BRAF: variants seen among roughly 807,000 people sequenced by gnomAD.
The protein encoded by BRAF is B-Raf proto-oncogene, serine/threonine kinase.
BRAF carries 16 observed loss-of-function variants against 104.6 expected under a neutral mutation model. The ratio of observed to expected loss-of-function variants is 0.15; its 90% confidence interval spans 0.10 to 0.23. The LOEUF (loss-of-function observed/expected upper bound fraction) is 0.23, where lower values mean the gene tolerates loss of function less well. BRAF is among the 10% of genes least tolerant of loss of function. The pLI, the probability that BRAF is intolerant of heterozygous loss-of-function variation, is 1.00. For missense variants in BRAF, 541 were observed against 937.3 expected (o/e 0.58, Z 5.52); for synonymous variants, 310 against 341.6 (o/e 0.91, Z 1.02).
rs144209593 is a variant in BRAF, at chr7:140,773,981, T to C, written c.1814+2931A>G. ...GGAGTTCCAGGAAGGAGCAAAAATC[T>C]GTCACCTTAATCTGAAACTCATAGC... On this transcript the variant is annotated intron_variant, in intron 14 of 19. Transcript: ENST00000644969. Among the ~76,000 whole-genome samples the C allele has an allele frequency of 3.6e-3, 555 of 152,340 alleles. 6 individuals are homozygous for C. Among genetic ancestry groups the C allele is most frequent in the African/African-American group, 0.013 (525 of 41,578 alleles).
intron 14 of BRAF, among the ~76,000 whole-genome samples, chr7:140,757,355 T>G (rs1439832186): frequency 6.6e-6 from 1 of 152,082 alleles, no homozygotes; most frequent in Non-Finnish European, 1.5e-5. Context: ...GGTGGTGCGA[T>G]ATCGGCTCAC....
At chr7:140,769,088 T>C (rs1185419989) in intron 14 of BRAF, among the ~76,000 whole-genome samples, 1 of 152,110 alleles carries the variant, frequency 6.6e-6, no homozygotes, top group African/African-American at 2.4e-5. Context: ...CAGTCTTTTT[T>C]TTTTTTGAGA....
intron 14 of BRAF, among the ~76,000 whole-genome samples, chr7:140,765,631 T>C (rs1799237875): frequency 6.6e-6 from 1 of 151,942 alleles, no homozygotes; most frequent in African/African-American, 2.4e-5. Context: ...TATCAAAAAG[T>C]GGGCAAAGGA....
intron 1 of BRAF, chr7:140,884,003 A>G (rs1586535566): frequency 6.6e-6 from 1 of 152,304 alleles, no homozygotes; most frequent in East Asian, 1.9e-4. Flanking sequence ...ATTTCCAACA[A>G]AGGTTTCAAC....
chr7:140,800,226 G>C (rs1320383867), intron 7 of BRAF, 136 bp downstream of exon 7: 1 of 1,317,290 alleles, frequency 7.6e-7, no homozygotes, highest in Non-Finnish European at 1.1e-6. Context: ...AAATATCTGA[G>C]TGGTATGATA....
intron 1 of BRAF, among the ~76,000 whole-genome samples, chr7:140,911,167 G>T (rs538110732): frequency 6.6e-6 from 1 of 152,156 alleles, no homozygotes; most frequent in African/African-American, 2.4e-5. Context: ...GTTAAGCAAC[G>T]AGAGAATAAG....
chr7:140,920,581 C>A (rs1818108755), intron 1 of BRAF, among the ~76,000 whole-genome samples: 1 of 152,364 alleles, frequency 6.6e-6, no homozygotes, highest in South Asian at 2.1e-4. Flanking sequence ...TATCCAAATA[C>A]ATGTACAATT....
In BRAF at chr7:140,794,412, A is replaced by C; in HGVS notation, c.1036T>G (p.Phe346Val). 1 of 1,614,080 alleles carries C rather than the reference A, an allele frequency of 6.2e-7. No homozygotes were observed. The highest frequency in any genetic ancestry group is 8.5e-7 in the Non-Finnish European group (1 of 1,180,004). ...CGATGATCTTCATCTGCTGGTCGGAAGGGCTGTGGAATTGGAATGGATTTT... is the reference window on the plus strand; with the variant it reads ...CGATGATCTTCATCTGCTGGTCGGACGGGCTGTGGAATTGGAATGGATTTT... ...PSKSIPIPQP[F>V]RPADEDHRNQ... is the part of the protein sequence containing the mutation. The change falls in exon 8 of 20, where the codon TTC becomes GTC. Residue 346 changes from phenylalanine to valine, a missense_variant. Coordinates refer to ENST00000644969, the MANE Select transcript of BRAF (RefSeq NM_001374258.1).
At chr7:140,860,453 A>C (rs1810284199) in intron 1 of BRAF, among the ~76,000 whole-genome samples, 1 of 145,898 alleles carries the variant, frequency 6.9e-6, no homozygotes, top group Admixed American at 6.9e-5. Context: ...ACATAGCAAG[A>C]CCCCATCTCT....
intron 1 of BRAF, among the ~76,000 whole-genome samples, chr7:140,877,460 C>G (rs530859373): frequency 3.9e-5 from 6 of 151,974 alleles, no homozygotes; most frequent in Admixed American, 2.0e-4. Flanking sequence ...AGTTGCAAAT[C>G]TATCTTAAGA....
rs116763659 is a variant in BRAF, at chr7:140,846,251, T to A, written c.240+3860A>T. On this transcript the variant is annotated intron_variant, in intron 2 of 19. Transcript: ENST00000644969. ...AGCCAAAACGTAGAAGCAACCCAAG[T>A]GTCCACTGATGGATGAATGGATAAT... 9.9e-3 allele frequency among the ~76,000 whole-genome samples: 1,504 copies of A among 152,308 alleles called. 25 individuals are homozygous for A. The highest frequency in any genetic ancestry group is 0.034 in the African/African-American group (1,418 of 41,566).
chr7:140,911,838 G>C (rs971614362), intron 1 of BRAF, among the ~76,000 whole-genome samples: 1 of 152,144 alleles, frequency 6.6e-6, no homozygotes, highest in African/African-American at 2.4e-5. Flanking sequence ...ACTTCATTAA[G>C]GAGTAATAAA....
In BRAF at chr7:140,756,305, TTC is replaced by T. The variant is rs543494318; in HGVS notation, c.1815-2074_1815-2073del. On this transcript the variant is annotated intron_variant, in intron 14 of 19. Coordinates refer to ENST00000644969, the MANE Select transcript of BRAF (RefSeq NM_001374258.1). ...TGTTAATTTTTATCTCATTGAATAA[TTC>T]TCTTTCTGTAATCCTTCTGTAACAA... 3.9e-4 allele frequency among the ~76,000 whole-genome samples: 59 copies of T among 152,322 alleles called. No homozygotes were observed. The South Asian group carries it at 9.3e-3, about 24-fold the overall frequency.
intron 14 of BRAF, among the ~76,000 whole-genome samples, chr7:140,772,551 G>A (rs1377235194): frequency 6.6e-6 from 1 of 152,070 alleles, no homozygotes; most frequent in East Asian, 1.9e-4. Flanking sequence ...TTGAGGCAGA[G>A]GTTGCAGCGA....
chr7:140,872,658 C>T (rs1335196287), intron 1 of BRAF, among the ~76,000 whole-genome samples: 1 of 151,928 alleles, frequency 6.6e-6, no homozygotes, highest in Non-Finnish European at 1.5e-5. Context: ...AGCTTGAGAC[C>T]AACCTGGGCA....
chr7:140,732,292 T>C (rs1243935985), intron 19 of BRAF: 1 of 150,912 alleles, frequency 6.6e-6, no homozygotes, highest in Non-Finnish European at 1.5e-5. Flanking sequence ...CAAATGTTCT[T>C]TTGTTTCAAT....
intron 1 of BRAF, among the ~76,000 whole-genome samples, chr7:140,852,023 A>T (rs1204436396): frequency 6.6e-6 from 1 of 152,154 alleles, no homozygotes; most frequent in Non-Finnish European, 1.5e-5. Context: ...TTGCTACTCA[A>T]AGTGTGGGTC....
chr7:140,746,243 C>T (rs946018532), intron 17 of BRAF, among the ~76,000 whole-genome samples: 5 of 151,966 alleles, frequency 3.3e-5, no homozygotes, highest in African/African-American at 1.2e-4. Flanking sequence ...CTCCAAGGAA[C>T]GAAAGCCATA....
intron 8 of BRAF, among the ~76,000 whole-genome samples, chr7:140,788,165 A>G (rs1801589487): frequency 6.6e-6 from 1 of 152,202 alleles, no homozygotes; most frequent in Non-Finnish European, 1.5e-5. Flanking sequence ...TTTTTAAAAA[A>G]TGGCTTCATC....
Sources: gnomAD v4.1 joint callset for allele counts (sites outside exome capture counted in the v4.1 genomes callset) on GRCh38, gnomAD v4.1.1 for gene constraint, MANE v1.5 for transcripts, NCBI Gene and HGNC (gene_info 2026-07-23, HGNC 2026-07-21) for gene names.